CCDC122: variants seen among roughly 807,000 people sequenced by gnomAD.
CCDC122 encodes coiled-coil domain-containing protein 122.
In CCDC122, 38 loss-of-function variants were observed where a neutral mutation model predicts 37.0. That is an observed-to-expected ratio of 1.03 (90% CI 0.79 to 1.35). CCDC122 has a LOEUF of 1.35. Ranked by LOEUF, CCDC122 falls within the 40% of genes most tolerant of loss-of-function variation. The probability of loss-of-function intolerance (pLI) is 0.00; values close to 1 mark genes in which losing one functional copy is unlikely to be tolerated. For missense variants in CCDC122, 305 were observed against 310.0 expected (o/e 0.98, Z 0.12); for synonymous variants, 83 against 95.6 (o/e 0.87, Z 0.77).
chr13:43,848,235 A>G (rs2065926), intron 6 of CCDC122, among the ~76,000 whole-genome samples: 76,972 of 152,026 alleles, frequency 0.51, 20,747 homozygotes, highest in Non-Finnish European at 0.62. Context: ...AGTGTACACA[A>G]TTTTCCCATA....
At chr13:43,829,487 G>C (rs1214166957) in intron 3 of CCDC122, among the ~76,000 whole-genome samples, 11 of 152,082 alleles carry the variant, frequency 7.2e-5, no homozygotes, top group African/African-American at 2.7e-4. Context: ...TGTATTTTTA[G>C]TAGAGATGGG....
chr13:43,839,707 G>C (rs1201802876), intron 6 of CCDC122, among the ~76,000 whole-genome samples: 3 of 152,162 alleles, frequency 2.0e-5, no homozygotes, highest in Non-Finnish European at 4.4e-5. Flanking sequence ...ACATTCCAGT[G>C]TAATTTTACA....
intron 6 of CCDC122, among the ~76,000 whole-genome samples, chr13:43,837,786 C>T (rs1243294753): frequency 1.3e-5 from 2 of 152,068 alleles, no homozygotes; most frequent in African/African-American, 4.8e-5. Flanking sequence ...AGTGAAATAT[C>T]CATAATGGAA....
chr13:43,825,310 C>G (rs1252844756), intron 3 of CCDC122, among the ~76,000 whole-genome samples: 2 of 152,078 alleles, frequency 1.3e-5, no homozygotes, highest in East Asian at 3.9e-4. Context: ...AAAAGAAAAC[C>G]AAAATTTGCA....
chr13:43,825,189 G>A lies in CCDC122; in HGVS notation n.602-1178C>T, dbSNP rs996598627. 2.0e-5 allele frequency among the ~76,000 whole-genome samples: 3 copies of A among 152,072 alleles called. No homozygotes were observed. The East Asian group carries it at 5.8e-4, about 29-fold the overall frequency. ...ATGGTGGACTGGATAAATAAAATGT[G>A]GTACATATACACCATGGAATACTAT... On this transcript the variant is annotated intron_variant and non_coding_transcript_variant, in intron 3 of 3. Coordinates refer to the CCDC122 transcript ENST00000470137.
At position 43,836,754 on chromosome 13, in the gene CCDC122, G is replaced by C. The variant is rs1490082908; in HGVS notation, c.*526C>G. On this transcript the variant is annotated 3_prime_UTR_variant, in exon 7 of 7. Coordinates refer to ENST00000444614, the MANE Select transcript of CCDC122 (RefSeq NM_144974.5). ...GGTCCCAGCTACTCGGGAGGCTGAG[G>C]CAGGAGAATGGCGTGAACCCAGGAA... is the stretch of plus-strand genomic sequence containing the variant. 1 of 150,124 alleles carries C rather than the reference G, an allele frequency of 6.7e-6. No homozygotes were observed. Among genetic ancestry groups the C allele is most frequent in the African/African-American group, 2.4e-5 (1 of 40,848 alleles). 9.3% of individuals were successfully genotyped at this position (150,124 alleles called of 1,614,324 possible).
intron 6 of CCDC122, among the ~76,000 whole-genome samples, chr13:43,845,753 T>G (rs994626500): frequency 1.3e-5 from 2 of 152,210 alleles, no homozygotes; most frequent in Non-Finnish European, 2.9e-5. Flanking sequence ...TTGCATTTTT[T>G]GTAGTGCAAG....
intron 6 of CCDC122, among the ~76,000 whole-genome samples, chr13:43,839,813 A>C (rs1158551884): frequency 6.6e-6 from 1 of 152,226 alleles, no homozygotes; most frequent in Non-Finnish European, 1.5e-5. Context: ...GAAAAACTTC[A>C]GCCAAATTAA....
rs973154482 is a variant in CCDC122 at position 43,837,273 on chromosome 13, G to A, written c.*7C>T. 6.2e-7 allele frequency: 1 copy of A among 1,612,410 alleles called. No individual in the cohort carries two copies. The highest frequency in any genetic ancestry group is 8.5e-7 in the Non-Finnish European group (1 of 1,179,334). On this transcript the variant is annotated 3_prime_UTR_variant, in exon 7 of 7. Transcript: ENST00000444614. ...TGGTCTGTGTTCCACATTGCCCTAT[G>A]GCAATGTTACTCTTGCATTCCAATG... is the stretch of plus-strand genomic sequence containing the variant.
intron 6 of CCDC122, among the ~76,000 whole-genome samples, chr13:43,844,288 C>T (rs1315489330): frequency 6.6e-6 from 1 of 151,864 alleles, no homozygotes; most frequent in Non-Finnish European, 1.5e-5. Flanking sequence ...TCTTCTTTGA[C>T]TCATGGGTTA....
chr13:43,852,914 A>T (rs1953790189), intron 6 of CCDC122, among the ~76,000 whole-genome samples: 1 of 152,056 alleles, frequency 6.6e-6, no homozygotes, highest in African/African-American at 2.4e-5. Flanking sequence ...GAGAAATAAG[A>T]TCCTTTTCAG....
chr13:43,833,320 G>A (rs894636650), downstream of CCDC122, among the ~76,000 whole-genome samples: 1 of 152,190 alleles, frequency 6.6e-6, no homozygotes, highest in African/African-American at 2.4e-5. Flanking sequence ...GATCAGGACA[G>A]ATACTACTGA....
downstream of CCDC122, among the ~76,000 whole-genome samples, chr13:43,834,976 T>C (rs1953127735): frequency 8.5e-5 from 13 of 152,218 alleles, no homozygotes; most frequent in South Asian, 2.3e-3. Context: ...ACCCAAAGGA[T>C]TATAAAACAT....
intron 6 of CCDC122, among the ~76,000 whole-genome samples, chr13:43,857,558 T>C (rs1259829745): frequency 6.6e-6 from 1 of 152,140 alleles, no homozygotes; most frequent in Non-Finnish European, 1.5e-5. Flanking sequence ...GTAATCTATT[T>C]TGTTTTTACC....
chr13:43,833,149 T>C (rs995615675), downstream of CCDC122, among the ~76,000 whole-genome samples: 2 of 152,174 alleles, frequency 1.3e-5, no homozygotes, highest in Non-Finnish European at 2.9e-5. Context: ...TTAAAGTAGA[T>C]ATCAATTTCT....
chr13:43,843,305 G>T (rs2875541), intron 6 of CCDC122, among the ~76,000 whole-genome samples: 77,165 of 151,814 alleles, frequency 0.51, 20,041 homozygotes, highest in African/African-American at 0.6. Flanking sequence ...CTGAAACTAT[G>T]AAGTTGGTTA....
At position 43,859,931 on chromosome 13, in the gene CCDC122, G is replaced by A; in HGVS notation, c.296C>T (p.Ser99Phe). The change falls in exon 5 of 7, where the codon TCC becomes TTC. Residue 99 changes from serine to phenylalanine, a missense_variant. By Grantham distance (155) the Ser-to-Phe change is radical. Transcript: ENST00000444614. ...AAGCTTTACATTTTCTGAATGTAAG[G>A]ATTTGATTTGAGTTTCCAGGCTATC... ...HCDSLETQIK[S>F]LHSENVKLKF... 1 of 1,610,972 alleles carries A rather than the reference G, an allele frequency of 6.2e-7. No individual in the cohort carries two copies.
intron 6 of CCDC122, 34 bp from the exon 7 acceptor site, chr13:43,837,463 G>C (rs780454849): frequency 4.4e-6 from 7 of 1,583,080 alleles, no homozygotes; most frequent in Non-Finnish European, 6.0e-6. Context: ...AACAGGGCTT[G>C]TGAAGTATAA....
downstream of CCDC122, among the ~76,000 whole-genome samples, chr13:43,835,316 G>A (rs368227271): frequency 4.6e-5 from 7 of 152,198 alleles, no homozygotes; most frequent in African/African-American, 1.7e-4. Context: ...GTTGTGGGGT[G>A]GGGAGAGTGG....
Sources: gnomAD v4.1 joint callset for allele counts (sites outside exome capture counted in the v4.1 genomes callset) on GRCh38, gnomAD v4.1.1 for gene constraint, MANE v1.5 for transcripts, NCBI Gene and HGNC (gene_info 2026-07-23, HGNC 2026-07-21) for gene names.